PABPC4L: variants seen among roughly 807,000 people sequenced by gnomAD.
PABPC4L encodes the protein polyadenylate-binding protein 4-like.
For missense variants in PABPC4L, 452 were observed against 451.4 expected (o/e 1.00, Z -0.01); for synonymous variants, 169 against 164.1 (o/e 1.03, Z -0.23).
At chr4:134,079,957 A>G in the PABPC4L span, among the ~76,000 whole-genome samples, 2 of 152,086 alleles carry the variant, frequency 1.3e-5, no homozygotes, top group African/African-American at 4.8e-5. Context: ...ACTAATGAGT[A>G]TAAAACCTGG....
At chr4:134,168,714 A>G in the PABPC4L span, among the ~76,000 whole-genome samples, 1 of 152,018 alleles carries the variant, frequency 6.6e-6, no homozygotes, top group Non-Finnish European at 1.5e-5. Flanking sequence ...CCAAGATTGA[A>G]CCATAAAAAA....
At chr4:134,053,097 C>T in the PABPC4L span, among the ~76,000 whole-genome samples, 9 of 152,064 alleles carry the variant, frequency 5.9e-5, no homozygotes, top group Admixed American at 5.3e-4. Flanking sequence ...CCTTGAAATC[C>T]TAGTTGCAAA....
chr4:134,126,593 C>CT, the PABPC4L span, among the ~76,000 whole-genome samples: 35 of 151,164 alleles, frequency 2.3e-4, no homozygotes, highest in South Asian at 1.7e-3. Context: ...TCCCTTTAGT[C>CT]TTTTTTTTTG....
chr4:134,078,975 T>A, the PABPC4L span, among the ~76,000 whole-genome samples: 1 of 142,568 alleles, frequency 7.0e-6, no homozygotes, highest in Non-Finnish European at 1.5e-5. Flanking sequence ...GGCTTTTTTT[T>A]TTTTTTTTTT....
the PABPC4L span, among the ~76,000 whole-genome samples, chr4:134,131,093 T>C: frequency 6.6e-6 from 1 of 151,916 alleles, no homozygotes; most frequent in Non-Finnish European, 1.5e-5. Flanking sequence ...TTATGTAGAA[T>C]AGGGAAAAGT....
the PABPC4L span, among the ~76,000 whole-genome samples, chr4:134,094,540 CAT>C: frequency 5.3e-5 from 8 of 151,808 alleles, no homozygotes; most frequent in Admixed American, 5.3e-4. Context: ...AGTTTAATAA[CAT>C]TAACTTTTTT....
the PABPC4L span, chr4:133,978,822 A>G: frequency 6.6e-6 from 1 of 152,162 alleles, no homozygotes; most frequent in Non-Finnish European, 1.5e-5. Flanking sequence ...AGATTTTATA[A>G]TATAATTACC....
chr4:133,985,628 A>G, the PABPC4L span, among the ~76,000 whole-genome samples: 2 of 152,024 alleles, frequency 1.3e-5, no homozygotes, highest in Non-Finnish European at 2.9e-5. Flanking sequence ...TTAATCTAAC[A>G]GGTATAGTTG....
At chr4:134,083,051 A>T in the PABPC4L span, among the ~76,000 whole-genome samples, 1 of 152,306 alleles carries the variant, frequency 6.6e-6, no homozygotes, top group African/African-American at 2.4e-5. Context: ...CAGCAGTAGA[A>T]TTGACTTGAT....
At chr4:134,103,791 C>T in the PABPC4L span, among the ~76,000 whole-genome samples, 12 of 151,642 alleles carry the variant, frequency 7.9e-5, no homozygotes, top group Non-Finnish European at 1.5e-4. Flanking sequence ...TATAGTTCAT[C>T]GATAACTGAA....
chr4:133,984,874 T>G, the PABPC4L span, among the ~76,000 whole-genome samples: 1 of 151,816 alleles, frequency 6.6e-6, no homozygotes, highest in Admixed American at 6.6e-5. Flanking sequence ...AAAAGTAGAT[T>G]TGAGGGAATC....
chr4:134,059,237 T>C, the PABPC4L span, among the ~76,000 whole-genome samples: 4 of 151,942 alleles, frequency 2.6e-5, no homozygotes, highest in East Asian at 7.8e-4. Flanking sequence ...AAACCTCTTT[T>C]CATCTATCCT....
the PABPC4L span, among the ~76,000 whole-genome samples, chr4:134,158,343 A>G: frequency 6.6e-6 from 1 of 152,024 alleles, no homozygotes; most frequent in African/African-American, 2.4e-5. Flanking sequence ...ATAGATAAAC[A>G]TATATTCAAT....
the PABPC4L span, among the ~76,000 whole-genome samples, chr4:134,153,236 T>C: frequency 6.6e-6 from 1 of 152,122 alleles, no homozygotes; most frequent in Admixed American, 6.6e-5. Context: ...AATAAGGTAT[T>C]AATCGCAATA....
At chr4:133,960,169 T>C in the PABPC4L span, among the ~76,000 whole-genome samples, 1 of 152,066 alleles carries the variant, frequency 6.6e-6, no homozygotes, top group Non-Finnish European at 1.5e-5. Context: ...AAATGGGGAA[T>C]CCCAAAAGGA....
rs1729794669 is a variant in PABPC4L, at chr4:134,200,006, G to T, written c.1014C>A (p.Cys338Ter). The T allele has an allele frequency of 6.4e-7, 1 of 1,551,646 alleles. No individual in the cohort carries two copies. Among genetic ancestry groups the T allele is most frequent in the Non-Finnish European group, 8.7e-7 (1 of 1,146,964 alleles). The change falls in exon 2 of 2, where the codon TGC becomes TGA. Residue 338 changes from cysteine to a stop codon, truncating the protein, a stop_gained. Coordinates refer to ENST00000421491, the MANE Select transcript of PABPC4L (RefSeq NM_001114734.2). LOFTEE classifies it low-confidence loss of function (END_TRUNC). ...TAGTAGCATCCTCAGGAGAGGAGAA[G>T]CAGATCAAGCCAAACCCTTTGCTCT... is the stretch of plus-strand genomic sequence containing the variant. ...EGQSKGFGLICFSSPEDATKA... is the reference protein window; with the variant it reads ...EGQSKGFGLI
At chr4:134,169,048 C>T in the PABPC4L span, among the ~76,000 whole-genome samples, 168 of 152,064 alleles carry the variant, frequency 1.1e-3, 1 homozygote, top group Non-Finnish European at 3.2e-4. Context: ...TATGCAGAAA[C>T]CTTCAACAAA....
At chr4:134,065,981 T>C in the PABPC4L span, among the ~76,000 whole-genome samples, 1 of 152,144 alleles carries the variant, frequency 6.6e-6, no homozygotes, top group Admixed American at 6.6e-5. Flanking sequence ...GTGTCTGTTT[T>C]TGTGCCAGAA....
the PABPC4L span, among the ~76,000 whole-genome samples, chr4:134,182,244 A>G: frequency 2.0e-5 from 3 of 151,926 alleles, no homozygotes; most frequent in Non-Finnish European, 1.5e-5. Context: ...AAACAGCATG[A>G]CACTGGTACA....
Sources: gnomAD v4.1 joint callset for allele counts (sites outside exome capture counted in the v4.1 genomes callset) on GRCh38, gnomAD v4.1.1 for gene constraint, MANE v1.5 for transcripts, NCBI Gene and HGNC (gene_info 2026-07-23, HGNC 2026-07-21) for gene names.